Variants in NEK10 observed in about 807,000 individuals in gnomAD.
NEK10 encodes NIMA related kinase 10.
In NEK10, 122 loss-of-function variants were observed where a neutral mutation model predicts 159.8. The observed-to-expected ratio is 0.76, with a 90% CI of 0.66 to 0.89. NEK10 has a LOEUF of 0.89. NEK10 is among the 40% of genes least tolerant of loss of function. NEK10 has a pLI of 0.00. For synonymous variants in NEK10, 466 were observed against 457.1 expected (o/e 1.02, Z -0.25); for missense variants, 1,342 against 1,323.1 (o/e 1.01, Z -0.22).
chr3:27,332,065 G>A (rs940602714), intron 5 of NEK10, among the ~76,000 whole-genome samples: 6 of 152,120 alleles, frequency 3.9e-5, no homozygotes, highest in Non-Finnish European at 5.9e-5. Context: ...GGCATATGCT[G>A]GTTATTCTAG....
chr3:27,247,351 T>C lies in NEK10; in HGVS notation c.2090+8945A>G, dbSNP rs183066695. Among the ~76,000 whole-genome samples the C allele has an allele frequency of 2.0e-5, 3 of 152,282 alleles. No individual in the cohort carries two copies. In the East Asian group the frequency reaches 5.8e-4, roughly 29 times the overall value. On this transcript the variant is annotated intron_variant, in intron 23 of 35. Coordinates refer to ENST00000691995, the MANE Select transcript of NEK10 (RefSeq NM_001394966.1). The stretch of plus-strand genomic sequence containing the variant: ...CATCATGAAGGGATGTTGAATTTTA[T>C]CAAATGTTTTGTCAGCATCAATTGA...
At chr3:27,180,380 G>A (rs112739785) in intron 26 of NEK10, among the ~76,000 whole-genome samples, 1,922 of 142,852 alleles carry the variant, frequency 0.013, 13 homozygotes, top group South Asian at 0.024. Context: ...GGGTGACAGA[G>A]TGAGACTGTA....
chr3:27,295,781 T>A, intron 14 of NEK10, 91 bp from the exon 15 acceptor site: 1 of 1,399,640 alleles, frequency 7.1e-7, no homozygotes, highest in African/African-American at 1.5e-5. Flanking sequence ...AACATTAATA[T>A]CAAAGAAGAA....
chr3:27,299,972 T>A (rs2043676105), intron 13 of NEK10, among the ~76,000 whole-genome samples: 1 of 152,182 alleles, frequency 6.6e-6, no homozygotes, highest in Non-Finnish European at 1.5e-5. Flanking sequence ...TCAGATGAGA[T>A]GTTGGACTGT....
At chr3:27,297,820 T>C (rs1257438431) in intron 13 of NEK10, among the ~76,000 whole-genome samples, 1 of 152,212 alleles carries the variant, frequency 6.6e-6, no homozygotes, top group African/African-American at 2.4e-5. Context: ...TGACAGCCAC[T>C]GTGGCAGCCT....
At chr3:27,243,082 G>C (rs1412523223) in intron 23 of NEK10, among the ~76,000 whole-genome samples, 1 of 152,054 alleles carries the variant, frequency 6.6e-6, no homozygotes, top group African/African-American at 2.4e-5. Flanking sequence ...AGAGACGCTT[G>C]AATTTCAAAA....
At chr3:27,260,332 T>G (rs2040290347) in intron 22 of NEK10, among the ~76,000 whole-genome samples, 1 of 152,190 alleles carries the variant, frequency 6.6e-6, no homozygotes, top group African/African-American at 2.4e-5. Flanking sequence ...TTTTTGCCCA[T>G]TCAGTATGAT....
In NEK10 at chr3:27,287,734, G is replaced by A. The variant is rs780809431; in HGVS notation, c.1753C>T (p.Pro585Ser). The A allele has an allele frequency of 6.4e-7, 1 of 1,560,732 alleles. No individual in the cohort carries two copies. The highest frequency in any genetic ancestry group is 8.6e-7 in the Non-Finnish European group (1 of 1,159,874). The change falls in exon 20 of 36, where the codon CCC becomes TCC. Residue 585 changes from proline (P) to serine (S), a missense_variant. Coordinates refer to ENST00000691995, the MANE Select transcript of NEK10 (RefSeq NM_001394966.1). Reference protein sequence around the residue: ...LTIIKEQLYHPNIVRYYKTFL... With the variant: ...LTIIKEQLYHSNIVRYYKTFL... ...GTTTTGTAATAACGTACAATGTTGG[G>A]ATGATAAAGCTATAAGAAAATAAAT...
At chr3:27,232,009 A>G (rs1339481797) in intron 23 of NEK10, among the ~76,000 whole-genome samples, 3 of 151,882 alleles carry the variant, frequency 2.0e-5, no homozygotes, top group Non-Finnish European at 4.4e-5. Context: ...ACCCTAATAC[A>G]AAAACCAGGA....
At chr3:27,243,402 T>C (rs1402324799) in intron 23 of NEK10, among the ~76,000 whole-genome samples, 2 of 148,034 alleles carry the variant, frequency 1.4e-5, no homozygotes, top group African/African-American at 5.3e-5. Flanking sequence ...TTTATTTAAT[T>C]CTTTTGCCCC....
chr3:27,191,281 C>A (rs530937510), intron 26 of NEK10, among the ~76,000 whole-genome samples: 158 of 151,926 alleles, frequency 1.0e-3, no homozygotes, highest in African/African-American at 3.7e-3. Context: ...TTGCCTTGGG[C>A]CCACCCCCAG....
chr3:27,257,356 G>C (rs773615205), intron 22 of NEK10, among the ~76,000 whole-genome samples: 2 of 152,166 alleles, frequency 1.3e-5, no homozygotes, highest in Non-Finnish European at 2.9e-5. Flanking sequence ...ACCAGTGCAA[G>C]AATTCAAGTT....
chr3:27,360,100 G>A (rs2048578336), intron 1 of NEK10, among the ~76,000 whole-genome samples: 1 of 152,164 alleles, frequency 6.6e-6, no homozygotes, highest in African/African-American at 2.4e-5. Flanking sequence ...GTTTAAAAAG[G>A]ACATCTGGTT....
In NEK10 at chr3:27,197,300, C is replaced by T. The variant is rs7621154; in HGVS notation, c.2291+4210G>A. 3.0e-3 allele frequency among the ~76,000 whole-genome samples: 454 copies of T among 152,108 alleles called. 1 individual carries two copies. The highest frequency in any genetic ancestry group is 0.01 in the African/African-American group (428 of 41,486). On this transcript the variant is annotated intron_variant, in intron 25 of 35. Transcript: ENST00000691995. Reference sequence around the variant, plus strand: ...AGGTGATTCTCCTGCCTCAGCCTCCCGAGTAGCTGGAATTACAGGCGCACA... The same window carrying T: ...AGGTGATTCTCCTGCCTCAGCCTCCTGAGTAGCTGGAATTACAGGCGCACA...
chr3:27,227,347 T>C (rs1952742479), intron 23 of NEK10, among the ~76,000 whole-genome samples: 1 of 152,302 alleles, frequency 6.6e-6, no homozygotes, highest in South Asian at 2.1e-4. Flanking sequence ...GGGAAAGACA[T>C]GGAAGCAGGA....
At chr3:27,237,019 C>T (rs1432427388) in intron 23 of NEK10, among the ~76,000 whole-genome samples, 1 of 152,084 alleles carries the variant, frequency 6.6e-6, no homozygotes, top group Non-Finnish European at 1.5e-5. Context: ...TAGACCTCCC[C>T]CCAGGAATGC....
At chr3:27,215,825 G>T in intron 23 of NEK10, 1 of 717,532 alleles carries the variant, frequency 1.4e-6, no homozygotes, top group Non-Finnish European at 2.6e-6. Flanking sequence ...GGAGGAGCCA[G>T]CACGTTTTAT....
chr3:27,121,053 C>A (rs1175330612), intron 32 of NEK10, among the ~76,000 whole-genome samples: 2 of 152,048 alleles, frequency 1.3e-5, no homozygotes, highest in Non-Finnish European at 2.9e-5. Context: ...ATATGCCTAC[C>A]CTATGACCCA....
intron 14 of NEK10, among the ~76,000 whole-genome samples, chr3:27,296,813 C>T (rs932650122): frequency 6.6e-6 from 1 of 152,082 alleles, no homozygotes; most frequent in African/African-American, 2.4e-5. Flanking sequence ...TCATTTTTAA[C>T]TTAATAATCT....
Sources: gnomAD v4.1 joint callset for allele counts (sites outside exome capture counted in the v4.1 genomes callset) on GRCh38, gnomAD v4.1.1 for gene constraint, MANE v1.5 for transcripts, NCBI Gene and HGNC (gene_info 2026-07-23, HGNC 2026-07-21) for gene names.